WWOX: variants seen among roughly 807,000 people sequenced by gnomAD.
WWOX encodes WW domain-containing oxidoreductase.
WWOX carries 69 observed loss-of-function variants against 46.2 expected under a neutral mutation model. The ratio of observed to expected loss-of-function variants is 1.49; its 90% CI spans 1.23 to 1.82. WWOX has a LOEUF of 1.82. Ranked by LOEUF, WWOX falls within the 40% of genes most tolerant of loss-of-function variation. The probability of loss-of-function intolerance (pLI) is 0.00; values close to 1 mark genes in which losing one functional copy is unlikely to be tolerated. For missense variants in WWOX, 919 were observed against 542.6 expected (o/e 1.69, Z -6.89); for synonymous variants, 359 against 202.6 (o/e 1.77, Z -6.56).
At chr16:78,231,898 ATT>A (rs60192521) in intron 5 of WWOX, among the ~76,000 whole-genome samples, 14 of 151,442 alleles carry the variant, frequency 9.2e-5, no homozygotes, top group African/African-American at 3.4e-4. Flanking sequence ...TCTAATCTTG[ATT>A]TTTTTTTTCC....
intron 8 of WWOX, among the ~76,000 whole-genome samples, chr16:78,720,685 G>A (rs1421609934): frequency 6.6e-6 from 1 of 151,918 alleles, no homozygotes; most frequent in Non-Finnish European, 1.5e-5. Context: ...GAAAACACCC[G>A]AGTTTTATGA....
intron 5 of WWOX, among the ~76,000 whole-genome samples, chr16:78,316,536 T>G (rs2080358981): frequency 6.6e-6 from 1 of 152,002 alleles, no homozygotes; most frequent in Admixed American, 6.5e-5. Context: ...AGAGATGTGG[T>G]TTTGCGGTGT....
intron 8 of WWOX, among the ~76,000 whole-genome samples, chr16:78,744,474 C>G (rs918715578): frequency 1.4e-4 from 20 of 142,078 alleles, no homozygotes; most frequent in Non-Finnish European, 2.4e-4. Context: ...GTCTCTCACC[C>G]AGGCTGGAGT....
rs182127177 is a variant in WWOX at position 79,126,980 on chromosome 16, C to G, written c.1057-84628C>G. On this transcript the variant is annotated intron_variant, in intron 8 of 8. Coordinates refer to ENST00000566780, the MANE Select transcript of WWOX (RefSeq NM_016373.4). ...GAGAAGACAGAAAATAGGTGCCTGGCTTATGTGGCCACTGCTTTTTTTTTA... is the reference window on the plus strand; with the variant it reads ...GAGAAGACAGAAAATAGGTGCCTGGGTTATGTGGCCACTGCTTTTTTTTTA... 1.7e-3 allele frequency among the ~76,000 whole-genome samples: 261 copies of G among 151,772 alleles called. No individual in the cohort carries two copies. The Middle Eastern group carries it at 0.024, about 14-fold the overall frequency.
intron 8 of WWOX, among the ~76,000 whole-genome samples, chr16:78,688,911 A>G (rs547757316): frequency 1.2e-4 from 18 of 152,200 alleles, no homozygotes; most frequent in Non-Finnish European, 1.8e-4. Context: ...GTTTTATACG[A>G]TGCTTTTCCT....
chr16:78,693,063 G>A (rs913628300), intron 8 of WWOX, among the ~76,000 whole-genome samples: 2 of 152,196 alleles, frequency 1.3e-5, no homozygotes, highest in Non-Finnish European at 2.9e-5. Flanking sequence ...GCCATCCAGA[G>A]CTTGCCAGCA....
intron 8 of WWOX, among the ~76,000 whole-genome samples, chr16:79,010,021 G>T (rs561943861): frequency 6.6e-6 from 1 of 152,230 alleles, no homozygotes; most frequent in East Asian, 1.9e-4. Flanking sequence ...AAGAATAATG[G>T]GTCTTGAGTA....
At chr16:78,282,871 T>C (rs1597442307) in intron 5 of WWOX, among the ~76,000 whole-genome samples, 2 of 89,904 alleles carry the variant, frequency 2.2e-5, no homozygotes, top group Admixed American at 1.7e-4. Flanking sequence ...AGAGCAACAC[T>C]CCATCTCAAA....
intron 8 of WWOX, among the ~76,000 whole-genome samples, chr16:79,047,081 C>G (rs369154279): frequency 1.3e-5 from 2 of 152,206 alleles, no homozygotes; most frequent in African/African-American, 4.8e-5. Context: ...ATTGCTTCTC[C>G]TTTCAACCAG....
chr16:78,352,465 C>G (rs915570466), intron 5 of WWOX, among the ~76,000 whole-genome samples: 10 of 152,312 alleles, frequency 6.6e-5, no homozygotes, highest in Middle Eastern at 3.4e-3. Flanking sequence ...TGCCCAAATC[C>G]TTTGGCTCAT....
At chr16:78,453,695 C>T (rs534775109) in intron 8 of WWOX, among the ~76,000 whole-genome samples, 1 of 152,108 alleles carries the variant, frequency 6.6e-6, no homozygotes, top group Non-Finnish European at 1.5e-5. Context: ...AGTGCTGTAT[C>T]AACACTGATC....
chr16:79,211,811 G>T lies in WWOX; in HGVS notation c.*15G>T, dbSNP rs533890923. 42 of 1,613,778 alleles carry T rather than the reference G, an allele frequency of 2.6e-5. No homozygotes were observed. Among genetic ancestry groups the T allele is most frequent in the Admixed American group, 5.0e-5 (3 of 59,994 alleles). Reference sequence around the variant, plus strand: ...AGTCCGGCTAAGTGGAGCTCAGAGCGGATGGGCACACACACCCGCCCTGTG... The same window carrying T: ...AGTCCGGCTAAGTGGAGCTCAGAGCTGATGGGCACACACACCCGCCCTGTG... On this transcript the variant is annotated 3_prime_UTR_variant, in exon 9 of 9. Coordinates refer to ENST00000566780, the MANE Select transcript of WWOX (RefSeq NM_016373.4).
chr16:78,783,628 G>A (rs1461696734), intron 8 of WWOX, among the ~76,000 whole-genome samples: 1 of 152,204 alleles, frequency 6.6e-6, no homozygotes, highest in African/African-American at 2.4e-5. Flanking sequence ...TACAAAGGAT[G>A]TGCCTGGCAT....
chr16:78,469,359 G>C (rs1378486961), intron 8 of WWOX, among the ~76,000 whole-genome samples: 1 of 152,132 alleles, frequency 6.6e-6, no homozygotes, highest in Non-Finnish European at 1.5e-5. Flanking sequence ...AGTTACAAAG[G>C]CAGACTCTTA....
intron 8 of WWOX, among the ~76,000 whole-genome samples, chr16:78,680,884 G>A (rs981425295): frequency 2.0e-5 from 3 of 152,136 alleles, no homozygotes; most frequent in Admixed American, 2.0e-4. Flanking sequence ...GATGAAGTGG[G>A]AGGAAAGTTT....
intron 8 of WWOX, among the ~76,000 whole-genome samples, chr16:78,711,521 A>C (rs569111920): frequency 2.0e-5 from 3 of 152,224 alleles, no homozygotes; most frequent in Non-Finnish European, 2.9e-5. Context: ...TTCTAGAATA[A>C]TAGTTTGAAA....
chr16:78,338,599 A>G (rs1389606734), intron 5 of WWOX, among the ~76,000 whole-genome samples: 1 of 120,842 alleles, frequency 8.3e-6, no homozygotes, highest in African/African-American at 2.8e-5. Context: ...TTTCTCCTGA[A>G]TTTTCTGACG....
chr16:78,871,176 T>G (rs958879260), intron 8 of WWOX, among the ~76,000 whole-genome samples: 3 of 149,638 alleles, frequency 2.0e-5, no homozygotes, highest in Non-Finnish European at 4.5e-5. Flanking sequence ...GAAGGTTGTT[T>G]TTTTTTTTTT....
At chr16:78,529,632 AT>A (rs934838713) in intron 8 of WWOX, among the ~76,000 whole-genome samples, 2 of 149,310 alleles carry the variant, frequency 1.3e-5, no homozygotes, top group East Asian at 3.9e-4. Flanking sequence ...ACACCTGGCA[AT>A]TTTTTTTTTA....
Sources: gnomAD v4.1 joint callset for allele counts (sites outside exome capture counted in the v4.1 genomes callset) on GRCh38, gnomAD v4.1.1 for gene constraint, MANE v1.5 for transcripts, NCBI Gene and HGNC (gene_info 2026-07-23, HGNC 2026-07-21) for gene names.